Variants in CROT observed in about 807,000 individuals in gnomAD.
CROT encodes the protein carnitine O-octanoyltransferase.
A neutral mutation model predicts 89.2 loss-of-function variants in CROT; 84 were observed. The ratio of observed to expected loss-of-function variants is 0.94; its 90% CI spans 0.79 to 1.13. The LOEUF is 1.13. CROT is among the 50% of genes most tolerant of loss of function. CROT has a pLI of 0.00. For missense variants in CROT, 711 were observed against 727.8 expected, an observed-to-expected ratio of 0.98 and a Z score of 0.27; for synonymous variants, 212 against 239.5, an observed-to-expected ratio of 0.89 and a Z score of 1.06.
At chr7:87,357,084 T>C (rs964607296) in intron 3 of CROT, among the ~76,000 whole-genome samples, 3 of 152,112 alleles carry the variant, frequency 2.0e-5, no homozygotes, top group African/African-American at 7.2e-5. Context: ...TCCTGAGACA[T>C]GACAAAGCAA....
chr7:87,399,308 C>T lies in CROT; in HGVS notation c.*664C>T, dbSNP rs901723090. ...TGGGCAACAGGGTAAGGTCCTGTCT[C>T]TACAAGATCAAAAACTTAGCCGGGT... On this transcript the variant is annotated 3_prime_UTR_variant, in exon 18 of 18. Coordinates refer to ENST00000331536, the MANE Select transcript of CROT (RefSeq NM_021151.4). 5.9e-5 allele frequency: 9 copies of T among 152,306 alleles called. No individual in the cohort carries two copies. The highest frequency in any genetic ancestry group is 2.2e-4 in the African/African-American group (9 of 41,410). The allele number at this position is 152,306 out of a possible 1,614,324, so 9.4% of individuals were successfully genotyped here.
intron 3 of CROT, among the ~76,000 whole-genome samples, chr7:87,354,638 G>T (rs1342651543): frequency 6.6e-6 from 1 of 152,078 alleles, no homozygotes; most frequent in Admixed American, 6.5e-5. Flanking sequence ...AAGTTGATGA[G>T]AAAGCTGAAG....
At position 87,393,108 on chromosome 7, in the gene CROT, G is replaced by T. The variant is rs748719307; in HGVS notation, c.1718+41G>T. 1.8e-5 allele frequency: 29 copies of T among 1,586,612 alleles called. No individual in the cohort carries two copies. In the South Asian group the frequency reaches 2.1e-4, roughly 12 times the overall value. Reference sequence around the variant, plus strand: ...TTTATTCTTTCTGTGCTATAGAGTAGGAAAGGTATTACTTTTGTTTTTAAA... The same window carrying T: ...TTTATTCTTTCTGTGCTATAGAGTATGAAAGGTATTACTTTTGTTTTTAAA... On this transcript the variant is annotated intron_variant, in intron 17 of 17. Transcript: ENST00000331536.
chr7:87,395,317 T>C (rs1182054047), intron 17 of CROT, among the ~76,000 whole-genome samples: 2 of 152,212 alleles, frequency 1.3e-5, no homozygotes, highest in Non-Finnish European at 2.9e-5. Context: ...GCTGATTAGA[T>C]GGTGCCCTCC....
In CROT at chr7:87,391,719, A is replaced by T; in HGVS notation, c.1425+7A>T. 1 of 1,600,192 alleles carries T rather than the reference A, an allele frequency of 6.2e-7. No homozygotes were observed. The highest frequency in any genetic ancestry group is 8.5e-7 in the Non-Finnish European group (1 of 1,175,940). The stretch of plus-strand genomic sequence containing the variant: ...GCAGGATCCTTCTGTCAATGTGAGT[A>T]TTGGAAAGGAAAAAAACTCACAAGA... On this transcript the variant is annotated splice_region_variant and intron_variant, in intron 14 of 17. Coordinates refer to ENST00000331536, the MANE Select transcript of CROT (RefSeq NM_021151.4).
intron 17 of CROT, among the ~76,000 whole-genome samples, chr7:87,394,671 G>T (rs1177880668): frequency 6.6e-6 from 1 of 151,882 alleles, no homozygotes; most frequent in Admixed American, 6.6e-5. Context: ...TTTTTGGTGG[G>T]TGCTATATTT....
chr7:87,397,091 C>T (rs375300772), intron 17 of CROT, among the ~76,000 whole-genome samples: 20 of 152,128 alleles, frequency 1.3e-4, no homozygotes, highest in Admixed American at 7.9e-4. Flanking sequence ...TGGTGGCTCA[C>T]GCCTGTAATC....
intron 3 of CROT, among the ~76,000 whole-genome samples, chr7:87,351,394 T>C (rs1321192334): frequency 6.6e-6 from 1 of 151,680 alleles, no homozygotes; most frequent in Non-Finnish European, 1.5e-5. Context: ...ATGGCTTAAA[T>C]TAGCCTATTT....
chr7:87,365,601 AGTTTTTT>A (rs1368891499), intron 6 of CROT, among the ~76,000 whole-genome samples: 3 of 147,624 alleles, frequency 2.0e-5, no homozygotes, highest in Admixed American at 6.7e-5. Flanking sequence ...AATTAAAACT[AGTTTTTT>A]GTTTTTTGTT....
At chr7:87,383,520 G>A (rs1347757808) in intron 13 of CROT, among the ~76,000 whole-genome samples, 1 of 143,054 alleles carries the variant, frequency 7.0e-6, no homozygotes, top group Non-Finnish European at 1.5e-5. Context: ...TTTTGAGTCA[G>A]AGTCTTGCTC....
rs370003564 is a variant in CROT at position 87,391,642 on chromosome 7, C to G, written c.1355C>G (p.Thr452Arg). Residue 452 changes from threonine (T) to arginine (R), a missense_variant, in exon 14 of 18, where the codon ACA (threonine) becomes AGA (arginine). By Grantham distance (71) the Thr-to-Arg change is moderately conservative. Coordinates refer to ENST00000331536, the MANE Select transcript of CROT (RefSeq NM_021151.4). ...ACAAGACATTTTTATCATGGCCGTACAGAGACTATGCGATCATGCACAGTT... is the reference window on the plus strand; with the variant it reads ...ACAAGACATTTTTATCATGGCCGTAGAGAGACTATGCGATCATGCACAGTT... Reference protein sequence around the residue: ...AMTRHFYHGRTETMRSCTVEA... With the variant: ...AMTRHFYHGRRETMRSCTVEA... The G allele has an allele frequency of 6.2e-7, 1 of 1,611,310 alleles. No individual in the cohort carries two copies. Among genetic ancestry groups the G allele is most frequent in the African/African-American group, 1.3e-5 (1 of 74,696 alleles).
intron 13 of CROT, among the ~76,000 whole-genome samples, chr7:87,382,938 C>T (rs961401336): frequency 2.6e-5 from 4 of 152,094 alleles, no homozygotes; most frequent in African/African-American, 9.7e-5. Flanking sequence ...CTTAATACAT[C>T]CTAAGAAGAA....
At chr7:87,349,956 A>G (rs1023348328) in intron 3 of CROT, among the ~76,000 whole-genome samples, 3 of 152,192 alleles carry the variant, frequency 2.0e-5, no homozygotes, top group African/African-American at 7.2e-5. Flanking sequence ...CCTTGCTTGC[A>G]TGATATCCCA....
At chr7:87,388,377 A>G (rs961705404) in intron 13 of CROT, among the ~76,000 whole-genome samples, 1 of 152,216 alleles carries the variant, frequency 6.6e-6, no homozygotes, top group Non-Finnish European at 1.5e-5. Flanking sequence ...TTCAAACTGT[A>G]CTACAAGGCT....
At chr7:87,392,482 T>G in intron 14 of CROT, 84 bp from the exon 15 acceptor site, 1 of 1,015,636 alleles carries the variant, frequency 9.8e-7, no homozygotes. Context: ...ATTACCCCAA[T>G]CCTAATTACA....
rs1456246040 is a variant in CROT, at chr7:87,382,841, T to G, written c.1301+298T>G. Among the ~76,000 whole-genome samples, 3 of 152,222 alleles carry G rather than the reference T, an allele frequency of 2.0e-5. No homozygotes were observed. The East Asian group carries it at 5.8e-4, about 29-fold the overall frequency. On this transcript the variant is annotated intron_variant, in intron 13 of 17. Transcript: ENST00000331536. ...CGCTTGGTTTTCTTGCAACGTCAGT[T>G]TTCTGATGGGTTCATGAAAAGTTGT...
At position 87,361,747 on chromosome 7, in the gene CROT, A is replaced by G. The variant is rs761288409; in HGVS notation, c.442A>G (p.Lys148Glu). The change falls in exon 6 of 18, where the codon AAA (lysine) becomes GAA (glutamate). Residue 148 changes from lysine to glutamate, a missense_variant. Transcript: ENST00000331536. ...TAATAGAGAAAAAGTGCCTGTTCAT[A>G]AAGTTGGAAATACTCCTCTAGATAT... Reference protein sequence around the residue: ...LLRKEKVPVHKVGNTPLDMNQ... With the variant: ...LLRKEKVPVHEVGNTPLDMNQ... The G allele has an allele frequency of 6.3e-7, 1 of 1,584,680 alleles. No homozygotes were observed. Among genetic ancestry groups the G allele is most frequent in the Non-Finnish European group, 8.5e-7 (1 of 1,170,398 alleles).
At chr7:87,377,234 T>G in intron 9 of CROT, 115 bp from the exon 10 acceptor site, 1 of 596,072 alleles carries the variant, frequency 1.7e-6, no homozygotes, top group Non-Finnish European at 2.9e-6. Context: ...ATTATGATTT[T>G]ATTAAATTTG....
In CROT at chr7:87,392,635, G is replaced by C; in HGVS notation, c.1495G>C (p.Ala499Pro). ...KHNKMMKDCS[A>P]GKGFDRHLLG... ...TAATAAAATGATGAAAGATTGTTCA[G>C]CTGGAAAAGGTACTTAAGTTAAAAT... The change falls in exon 15 of 18, where the codon GCT becomes CCT. Residue 499 changes from alanine to proline, a missense_variant. Transcript: ENST00000331536. 1 of 1,613,158 alleles carries C rather than the reference G, an allele frequency of 6.2e-7. No homozygotes were observed. Among genetic ancestry groups the C allele is most frequent in the Non-Finnish European group, 8.5e-7 (1 of 1,179,448 alleles).
Sources: allele counts gnomAD v4.1 joint callset (sites outside exome capture counted in the v4.1 genomes callset), GRCh38; gene constraint gnomAD v4.1.1; transcripts MANE v1.5; gene names NCBI Gene and HGNC (gene_info 2026-07-23, HGNC 2026-07-21).